The following ITFG1 variants were observed in gnomAD, a reference collection of about 807,000 sequenced individuals.
ITFG1 encodes the protein T-cell immunomodulatory protein.
A neutral mutation model predicts 81.8 loss-of-function variants in ITFG1; 34 were observed. That is an observed-to-expected ratio of 0.42 (90% CI 0.32 to 0.55). The LOEUF (loss-of-function observed/expected upper bound fraction) is 0.55, where lower values mean the gene tolerates loss of function less well. Ranked by LOEUF, ITFG1 falls within the 20% of genes least tolerant of loss-of-function variation. The probability of loss-of-function intolerance (pLI) is 0.17; values close to 1 mark genes in which losing one functional copy is unlikely to be tolerated. For missense variants in ITFG1, 672 were observed against 755.4 expected, an observed-to-expected ratio of 0.89 and a Z score of 1.29; for synonymous variants, 285 against 270.6, an observed-to-expected ratio of 1.05 and a Z score of -0.52.
chr16:47,180,414 G>A (rs1257378669), intron 14 of ITFG1, among the ~76,000 whole-genome samples: 5 of 148,664 alleles, frequency 3.4e-5, no homozygotes, highest in South Asian at 2.2e-4. Flanking sequence ...CTCTTTCCAC[G>A]GTCTCCCTCT....
intron 10 of ITFG1, among the ~76,000 whole-genome samples, chr16:47,288,800 G>A (rs1049827236): frequency 1.3e-5 from 2 of 152,100 alleles, no homozygotes; most frequent in African/African-American, 2.4e-5. Flanking sequence ...TGGGGCTGAG[G>A]CACGAGAATC....
intron 10 of ITFG1, among the ~76,000 whole-genome samples, chr16:47,279,539 A>G (rs1966431949): frequency 6.6e-6 from 1 of 152,172 alleles, no homozygotes; most frequent in South Asian, 2.1e-4. Flanking sequence ...TATTGTAGCT[A>G]TATAGTAAAA....
At chr16:47,329,348 A>G (rs1202580597) in intron 8 of ITFG1, among the ~76,000 whole-genome samples, 1 of 152,130 alleles carries the variant, frequency 6.6e-6, no homozygotes, top group African/African-American at 2.4e-5. Flanking sequence ...TCTATCCACA[A>G]AATGAGAAGG....
intron 10 of ITFG1, among the ~76,000 whole-genome samples, chr16:47,262,574 T>G (rs1022737177): frequency 2.0e-5 from 3 of 152,258 alleles, no homozygotes; most frequent in African/African-American, 7.2e-5. Flanking sequence ...CTTATTTTCC[T>G]TTGCAAAACT....
intron 14 of ITFG1, among the ~76,000 whole-genome samples, chr16:47,216,251 G>C (rs1596813345): frequency 6.6e-6 from 1 of 151,830 alleles, no homozygotes; most frequent in South Asian, 2.1e-4. Flanking sequence ...CCTAGCTGGA[G>C]TGCAATGCCC....
intron 6 of ITFG1, among the ~76,000 whole-genome samples, chr16:47,401,874 T>TC (rs1428037944): frequency 1.3e-5 from 2 of 152,116 alleles, no homozygotes; most frequent in East Asian, 3.9e-4. Flanking sequence ...TGGTTTTTTT[T>TC]CACTCTGGCA....
chr16:47,239,198 AG>A (rs1053509233), intron 12 of ITFG1, among the ~76,000 whole-genome samples: 3 of 151,188 alleles, frequency 2.0e-5, no homozygotes, highest in African/African-American at 7.3e-5. Flanking sequence ...AATTACCCTA[AG>A]GTTTTTTTTT....
At chr16:47,268,311 G>C (rs954301830) in intron 10 of ITFG1, among the ~76,000 whole-genome samples, 1 of 152,070 alleles carries the variant, frequency 6.6e-6, no homozygotes, top group Admixed American at 6.6e-5. Flanking sequence ...CGAATTCCCT[G>C]GAAGTCACAA....
At chr16:47,251,090 CA>C (rs1393928508) in intron 12 of ITFG1, among the ~76,000 whole-genome samples, 1 of 152,148 alleles carries the variant, frequency 6.6e-6, no homozygotes, top group Non-Finnish European at 1.5e-5. Flanking sequence ...TGAAACAACA[CA>C]AAAAAGCTCA....
chr16:47,156,156 G>A (rs1402545460), intron 17 of ITFG1, among the ~76,000 whole-genome samples: 3 of 152,150 alleles, frequency 2.0e-5, no homozygotes, highest in Non-Finnish European at 1.5e-5. Context: ...TCTAATGGCT[G>A]GGTGTGGTGG....
intron 13 of ITFG1, among the ~76,000 whole-genome samples, chr16:47,237,615 C>G (rs1292608541): frequency 6.6e-6 from 1 of 152,130 alleles, no homozygotes; most frequent in East Asian, 1.9e-4. Flanking sequence ...ACCAGGTACA[C>G]AAGATGACAT....
At chr16:47,176,713 T>C (rs565703303) in intron 14 of ITFG1, among the ~76,000 whole-genome samples, 2 of 152,320 alleles carry the variant, frequency 1.3e-5, no homozygotes, top group Admixed American at 6.5e-5. Flanking sequence ...AGGTGACTGA[T>C]AGGTTATTCT....
chr16:47,385,292 A>C (rs1968447357), intron 6 of ITFG1, among the ~76,000 whole-genome samples: 1 of 152,222 alleles, frequency 6.6e-6, no homozygotes, highest in African/African-American at 2.4e-5. Context: ...AAATTAGTTC[A>C]AAAAAATTAA....
At chr16:47,376,577 T>A (rs1485568380) in intron 6 of ITFG1, among the ~76,000 whole-genome samples, 2 of 152,212 alleles carry the variant, frequency 1.3e-5, no homozygotes, top group Non-Finnish European at 2.9e-5. Flanking sequence ...TCTATTCTAG[T>A]AGCAGCATTT....
intron 6 of ITFG1, among the ~76,000 whole-genome samples, chr16:47,413,403 A>G (rs1027234029): frequency 1.3e-5 from 2 of 152,200 alleles, no homozygotes; most frequent in East Asian, 3.9e-4. Flanking sequence ...CTAACCACAA[A>G]AACACTTAAG....
At chr16:47,372,319 A>G (rs755210887) in intron 7 of ITFG1, among the ~76,000 whole-genome samples, 61 of 152,246 alleles carry the variant, frequency 4.0e-4, no homozygotes, top group East Asian at 1.9e-4. Context: ...ATCATAGCTC[A>G]CTGCAGCCTC....
intron 6 of ITFG1, among the ~76,000 whole-genome samples, chr16:47,419,601 CTTTTT>C (rs34405979): frequency 6.1e-5 from 5 of 81,984 alleles, no homozygotes; most frequent in Non-Finnish European, 9.2e-5. Context: ...TACTTCAGGT[CTTTTT>C]TTTTTTTTTT....
chr16:47,254,626 A>G (rs938790155), intron 12 of ITFG1, among the ~76,000 whole-genome samples: 1 of 152,190 alleles, frequency 6.6e-6, no homozygotes, highest in Non-Finnish European at 1.5e-5. Flanking sequence ...CTTTTAGTAT[A>G]AAAGTAGTTT....
At chr16:47,223,169 G>C (rs1965714359) in intron 13 of ITFG1, among the ~76,000 whole-genome samples, 1 of 151,406 alleles carries the variant, frequency 6.6e-6, no homozygotes, top group South Asian at 2.1e-4. Context: ...CAGGACATAG[G>C]CATGGGCAAG....
Sources: allele counts gnomAD v4.1 joint callset (sites outside exome capture counted in the v4.1 genomes callset), GRCh38; gene constraint gnomAD v4.1.1; transcripts MANE v1.5; gene names NCBI Gene and HGNC (gene_info 2026-07-23, HGNC 2026-07-21).